Variants in RIC8A observed in about 807,000 individuals in gnomAD.
RIC8A encodes chaperone Ric-8A.
A neutral mutation model predicts 48.4 loss-of-function variants in RIC8A; 37 were observed. The observed-to-expected ratio is 0.77, with a 90% CI of 0.59 to 1.01. RIC8A has a LOEUF of 1.01. RIC8A is among the 50% of genes least tolerant of loss of function. The pLI is 0.00. For missense variants in RIC8A, 681 were observed against 696.8 expected, an observed-to-expected ratio of 0.98 and a Z score of 0.25; for synonymous variants, 288 against 283.4, an observed-to-expected ratio of 1.02 and a Z score of -0.16.
chr11:212,931 C>A lies in RIC8A; in HGVS notation c.1305C>A (p.Tyr435Ter). 1.3e-6 allele frequency: 2 copies of A among 1,595,798 alleles called. No individual in the cohort carries two copies. Among genetic ancestry groups the A allele is most frequent in the Non-Finnish European group, 8.5e-7 (1 of 1,171,474 alleles). ...CAGGAGGCCGGCCCGAGGGCCAGTACTCAGAGGATGAGGACACAGACACAG... is the reference window on the plus strand; with the variant it reads ...CAGGAGGCCGGCCCGAGGGCCAGTAATCAGAGGATGAGGACACAGACACAG... ...LMAGGRPEGQ[Y>*]SEDEDTDTDE... The change falls in exon 8 of 10, where the codon TAC becomes TAA. Residue 435 changes from tyrosine to a stop codon, truncating the protein, a stop_gained. Transcript: ENST00000526104. LOFTEE classifies it high-confidence loss of function.
At chr11:209,070 G>C in intron 1 of RIC8A, 132 bp downstream of exon 1, 1 of 1,041,300 alleles carries the variant, frequency 9.6e-7, no homozygotes, top group East Asian at 2.5e-5. Context: ...GGTGCGGGGG[G>C]CAGGTCTGGG....
rs1173029663 is a variant in RIC8A at position 214,250 on chromosome 11, T to C, written c.1496T>C (p.Met499Thr). The C allele has an allele frequency of 1.2e-6, 2 of 1,613,732 alleles. No individual in the cohort carries two copies. The highest frequency in any genetic ancestry group is 2.7e-5 in the African/African-American group (2 of 74,916). ...KLSRNRVIQPMGMSPRGHLTS... is the reference protein window; with the variant it reads ...KLSRNRVIQPTGMSPRGHLTS... ...AACAGGAACAGAGTCATCCAGCCAA[T>C]GGGGATGAGTCCCCGGGGTCATCTT... Residue 499 changes from methionine to threonine, a missense_variant, in exon 10 of 10, where the codon ATG becomes ACG. By Grantham distance (81) the Met-to-Thr change is moderately conservative. Coordinates refer to ENST00000526104, the MANE Select transcript of RIC8A (RefSeq NM_001286134.2).
chr11:209,115 T>G, intron 1 of RIC8A, 156 bp from the exon 2 acceptor site: 2 of 1,058,036 alleles, frequency 1.9e-6, no homozygotes, highest in Non-Finnish European at 2.9e-6. Flanking sequence ...GGTGCACCCG[T>G]TGGGTGGCAG....
Position 209,830 on chromosome 11 carries a change from CT to C in RIC8A, c.557del (p.Leu186ArgfsTer7), listed in dbSNP as rs771633509. On this transcript the variant is annotated frameshift_variant, in exon 3 of 10. Transcript: ENST00000526104. LOFTEE classifies it high-confidence loss of function. ...TDVRQQLFQE[L>X]KGVRLLTDTL... ...TGTGCGCCAGCAGCTGTTTCAGGAG[CT>C]GAAAGGAGTGCGCCTGCTAACTGAC... The C allele has an allele frequency of 6.2e-7, 1 of 1,613,942 alleles. No individual in the cohort carries two copies. Among genetic ancestry groups the C allele is most frequent in the East Asian group, 2.2e-5 (1 of 44,884 alleles).
intron 8 of RIC8A, 127 bp downstream of exon 8, chr11:213,108 C>G: frequency 2.9e-6 from 4 of 1,383,000 alleles, no homozygotes; most frequent in Non-Finnish European, 3.9e-6. Flanking sequence ...AATCAAGCAC[C>G]TGTTCCTAAG....
At position 209,771 on chromosome 11, in the gene RIC8A, G is replaced by A. The variant is rs1404871398; in HGVS notation, c.497G>A (p.Arg166Gln). 1 of 1,614,050 alleles carries A rather than the reference G, an allele frequency of 6.2e-7. No homozygotes were observed. Among genetic ancestry groups the A allele is most frequent in the Non-Finnish European group, 8.5e-7 (1 of 1,180,024 alleles). Residue 166 changes from arginine to glutamine, a missense_variant, in exon 3 of 10, where the codon CGG becomes CAG. By Grantham distance (43) the Arg-to-Gln change is conservative. Transcript: ENST00000526104. ...FPHDVQFFDL[R>Q]LLFLLTALRT... ...CACGATGTCCAGTTCTTTGACTTGC[G>A]GCTCCTCTTCCTGCTAACGGCACTC...
In RIC8A at chr11:212,523, A is replaced by G; in HGVS notation, c.1065+12A>G. 6.2e-7 allele frequency: 1 copy of G among 1,613,404 alleles called. No homozygotes were observed. The highest frequency in any genetic ancestry group is 8.5e-7 in the Non-Finnish European group (1 of 1,179,730). On this transcript the variant is annotated intron_variant, in intron 6 of 9. Transcript: ENST00000526104. ...TCCTGAAGGCCCAGGTATAAGGCTG[A>G]GGAGCTGGTGCTCCTGGGGGATGTG...
In RIC8A at chr11:214,514, C is replaced by G. The variant is rs1038115448; in HGVS notation, c.*164C>G. 10 of 874,292 alleles carry G rather than the reference C, an allele frequency of 1.1e-5. No individual in the cohort carries two copies. The Admixed American group carries it at 1.2e-4, about 11-fold the overall frequency. 54.2% of individuals were successfully genotyped at this position (874,292 alleles called of 1,614,324 possible). On this transcript the variant is annotated 3_prime_UTR_variant, in exon 10 of 10. Transcript: ENST00000526104. ...CTCCCGTTCTGTTCATGATTTGCCT[C>G]TGGTCCAGTTTCTCATCTCTGGACT...
Position 211,364 on chromosome 11 carries a change from G to T in RIC8A, c.969+15G>T. ...GTTTGCACAAGGTAGGCTGGGGATG[G>T]CTGTGCAGGCTCCCCCAGTGGCTCT... On this transcript the variant is annotated intron_variant, in intron 5 of 9. Coordinates refer to ENST00000526104, the MANE Select transcript of RIC8A (RefSeq NM_001286134.2). The surrounding 1 kb of genome is among the most constrained non-coding windows in gnomAD (Gnocchi z 4.0). 6.2e-7 allele frequency: 1 copy of T among 1,609,604 alleles called. No individual in the cohort carries two copies. The highest frequency in any genetic ancestry group is 1.1e-5 in the South Asian group (1 of 90,472).
chr11:210,515 C>A, intron 3 of RIC8A, 56 bp from the exon 4 acceptor site: 1 of 1,480,298 alleles, frequency 6.8e-7, no homozygotes, highest in Non-Finnish European at 9.5e-7. Context: ...GGAGCCTCAG[C>A]AGGCAGCAGT....
chr11:213,555 A>G, intron 9 of RIC8A, 137 bp downstream of exon 9: 1 of 1,224,592 alleles, frequency 8.2e-7, no homozygotes, highest in Non-Finnish European at 1.1e-6. Context: ...CACGTTTGAA[A>G]TCACTTGCCC....
At chr11:209,085 A>C in intron 1 of RIC8A, 147 bp downstream of exon 1, 1 of 1,024,538 alleles carries the variant, frequency 9.8e-7, no homozygotes, top group Non-Finnish European at 1.5e-6. Flanking sequence ...TCTGGGATGC[A>C]GTGTTGCGGG....
In RIC8A at chr11:214,393, T is replaced by G; in HGVS notation, c.*43T>G. 6.4e-7 allele frequency: 1 copy of G among 1,556,508 alleles called. No homozygotes were observed. Among genetic ancestry groups the G allele is most frequent in the Non-Finnish European group, 8.7e-7 (1 of 1,149,564 alleles). On this transcript the variant is annotated 3_prime_UTR_variant, in exon 10 of 10. Transcript: ENST00000526104. ...CTCCCCCATCAGGACTGGTGCTGCT[T>G]CCAGAGACTTCCTTGGGGTTGCAAC...
chr11:211,454 T>C lies in RIC8A; in HGVS notation c.969+105T>C, dbSNP rs1855355279. The C allele has an allele frequency of 1.6e-6, 2 of 1,269,962 alleles. No homozygotes were observed. The highest frequency in any genetic ancestry group is 2.1e-6 in the Non-Finnish European group (2 of 932,166). The allele number at this position is 1,269,962 out of a possible 1,614,324, so 78.7% of individuals were successfully genotyped here. A position where few individuals can be genotyped will look rare whatever the true frequency, so the allele number is the denominator to read the frequency against. ...CACTGTCCACACTGGTACGTGGAGA[T>C]TGTCTTGGTGGTGTGATATGGGCGA... On this transcript the variant is annotated intron_variant, in intron 5 of 9. Coordinates refer to ENST00000526104, the MANE Select transcript of RIC8A (RefSeq NM_001286134.2). The surrounding 1 kb of genome is among the most constrained non-coding windows in gnomAD (Gnocchi z 4.0).
In RIC8A at chr11:213,398, C is replaced by G. The variant is rs1194036103; in HGVS notation, c.1455C>G (p.Thr485=). ...QKEHEAMKLV[T]MFDKLSRNRV... ...AGCACGAGGCCATGAAGCTGGTGAC[C>G]ATGTTTGACAAGCTCTCCAGGTGTG... Residue 485 remains threonine (T), a synonymous_variant, in exon 9 of 10, where the codon ACC becomes ACG. Coordinates refer to ENST00000526104, the MANE Select transcript of RIC8A (RefSeq NM_001286134.2). 6.3e-7 allele frequency: 1 copy of G among 1,595,942 alleles called. No individual in the cohort carries two copies. The highest frequency in any genetic ancestry group is 8.5e-7 in the Non-Finnish European group (1 of 1,170,718).
chr11:208,733 C>T lies in RIC8A; in HGVS notation c.-122C>T. 1 of 654,058 alleles carries T rather than the reference C, an allele frequency of 1.5e-6. No homozygotes were observed. Among genetic ancestry groups the T allele is most frequent in the South Asian group, 2.4e-5 (1 of 42,188 alleles). The allele number at this position is 654,058 out of a possible 1,614,324, so 40.5% of individuals were successfully genotyped here. ...TGCGCCCCGTTAAAGCGCCACCAGA[C>T]GCCGCGCCCCGTCCCGGCCTCCCCC... On this transcript the variant is annotated 5_prime_UTR_variant, in exon 1 of 10. The change creates a new upstream start codon in the 5' untranslated region. Transcript: ENST00000526104. This position sits in a 1 kb window ranked among gnomAD's most constrained non-coding sequence, Gnocchi z 4.8.
Position 209,443 on chromosome 11 carries a change from G to A in RIC8A, c.169G>A (p.Gly57Ser). 2 of 1,603,708 alleles carry A rather than the reference G, an allele frequency of 1.2e-6. No individual in the cohort carries two copies. The highest frequency in any genetic ancestry group is 4.5e-5 in the East Asian group (2 of 44,558). ...AELLVSVLEQ[G>S]LPPSHRVIWL... The stretch of plus-strand genomic sequence containing the variant: ...GCTGCTGGTCTCCGTCCTGGAACAG[G>A]GCTTGCCACCCTCCCACCGTGTCAT... The change falls in exon 3 of 10, where the codon GGC becomes AGC. Residue 57 changes from glycine (G) to serine (S), a missense_variant. By Grantham distance (56) the Gly-to-Ser change is moderately conservative. Transcript: ENST00000526104.
rs1795569667 is a variant in RIC8A at position 208,638 on chromosome 11, C to G, written c.-217C>G. The G allele has an allele frequency of 2.1e-6, 1 of 472,802 alleles. No individual in the cohort carries two copies. Among genetic ancestry groups the G allele is most frequent in the South Asian group, 3.1e-5 (1 of 32,054 alleles). The allele number at this position is 472,802 out of a possible 1,614,324, so 29.3% of individuals were successfully genotyped here. A position where few individuals can be genotyped will look rare whatever the true frequency, so the allele number is the denominator to read the frequency against. Reference sequence around the variant, plus strand: ...GGTTCAGAGCGACTCAGCCCCTCGACTCGGGTCTTAAAACCTCCGAGCCGC... The same window carrying G: ...GGTTCAGAGCGACTCAGCCCCTCGAGTCGGGTCTTAAAACCTCCGAGCCGC... On this transcript the variant is annotated 5_prime_UTR_variant, in exon 1 of 10. Transcript: ENST00000526104. This position sits in a 1 kb window ranked among gnomAD's most constrained non-coding sequence, Gnocchi z 4.8.
chr11:211,125 C>T lies in RIC8A; in HGVS notation c.819-74C>T. 6.7e-7 allele frequency: 1 copy of T among 1,485,746 alleles called. No individual in the cohort carries two copies. Among genetic ancestry groups the T allele is most frequent in the Non-Finnish European group, 9.2e-7 (1 of 1,089,648 alleles). 92.0% of individuals were successfully genotyped at this position (1,485,746 alleles called of 1,614,324 possible). On this transcript the variant is annotated intron_variant, in intron 4 of 9. Transcript: ENST00000526104. The surrounding 1 kb of genome is among the most constrained non-coding windows in gnomAD (Gnocchi z 4.0). ...ATGCCAGCTCATGTAATGTGTGGTT[C>T]AGCGGAGTCACAAAGATTGCACCTG...
Sources: gnomAD v4.1 joint callset for allele counts on GRCh38, gnomAD v4.1.1 for gene constraint, Gnocchi (gnomAD v3.1) non-coding constraint, MANE v1.5 for transcripts, NCBI Gene and HGNC (gene_info 2026-07-23, HGNC 2026-07-21) for gene names.